The following ESRRG variants were observed in gnomAD, a reference collection of about 807,000 sequenced individuals.
ESRRG encodes the protein estrogen-related receptor gamma.
Under a neutral mutation model 44.0 loss-of-function variants are expected in ESRRG, and 13 were observed. That is an observed-to-expected ratio of 0.30 (90% CI 0.19 to 0.47). ESRRG has a LOEUF of 0.47. ESRRG is among the 20% of genes least tolerant of loss of function. ESRRG has a pLI of 1.00. For missense variants in ESRRG, 395 were observed against 580.6 expected, an observed-to-expected ratio of 0.68 and a Z score of 3.29; for synonymous variants, 215 against 214.6, an observed-to-expected ratio of 1.00 and a Z score of -0.02.
chr1:216,736,201 G>A (rs1463143209), intron 2 of ESRRG, among the ~76,000 whole-genome samples: 1 of 38,752 alleles, frequency 2.6e-5, no homozygotes, highest in Non-Finnish European at 5.2e-5. Flanking sequence ...TTTTTTTTTT[G>A]AGACAGAGTC....
In ESRRG at chr1:216,753,896, G is replaced by A. The variant is rs111622011; in HGVS notation, c.-13-76405C>T. Among the ~76,000 whole-genome samples the A allele has an allele frequency of 8.2e-3, 1,251 of 152,044 alleles. 13 individuals carry two copies. Among genetic ancestry groups the A allele is most frequent in the African/African-American group, 0.028 (1,162 of 41,506 alleles). On this transcript the variant is annotated intron_variant, in intron 2 of 7. Transcript: ENST00000359162. ...CATTGTCTACATTTTCTTCAGAGCA[G>A]GAATAAAATCAGTCACCAGTGATCT...
chr1:216,919,843 A>G (rs1188660558), intron 2 of ESRRG, among the ~76,000 whole-genome samples: 1 of 152,228 alleles, frequency 6.6e-6, no homozygotes, highest in Non-Finnish European at 1.5e-5. Context: ...CTCTTATTTC[A>G]AAATGCCAGA....
intron 5 of ESRRG, among the ~76,000 whole-genome samples, chr1:216,534,400 T>C (rs537940760): frequency 6.6e-6 from 1 of 152,328 alleles, no homozygotes; most frequent in South Asian, 2.1e-4. Flanking sequence ...ATATATGAGA[T>C]GTTATTCCTG....
At chr1:216,912,153 A>G (rs778719717) in intron 2 of ESRRG, among the ~76,000 whole-genome samples, 475 of 34,192 alleles carry the variant, frequency 0.014, 28 homozygotes, top group African/African-American at 0.059. Context: ...AAGAAAAGAA[A>G]AGAAAAGAAA....
At chr1:216,591,534 A>G (rs1171130559) in intron 3 of ESRRG, among the ~76,000 whole-genome samples, 1 of 152,234 alleles carries the variant, frequency 6.6e-6, no homozygotes, top group Non-Finnish European at 1.5e-5. Flanking sequence ...TTCAAAAACA[A>G]TAACAGTAGT....
intron 3 of ESRRG, among the ~76,000 whole-genome samples, chr1:216,623,455 A>G (rs896616201): frequency 2.0e-5 from 3 of 152,156 alleles, no homozygotes; most frequent in African/African-American, 7.2e-5. Flanking sequence ...TAACACACCC[A>G]CATGTGGAGA....
chr1:216,516,636 T>TAC (rs779496209), intron 6 of ESRRG, among the ~76,000 whole-genome samples: 17,498 of 130,364 alleles, frequency 0.13, 1,305 homozygotes, highest in Middle Eastern at 0.21. Flanking sequence ...CACACACACA[T>TAC]ACACACACAC....
chr1:216,989,441 A>C (rs1330858975), intron 1 of ESRRG, among the ~76,000 whole-genome samples: 1 of 151,766 alleles, frequency 6.6e-6, no homozygotes, highest in Non-Finnish European at 1.5e-5. Context: ...AAAAAAAAAA[A>C]AAAAAAAAAC....
At chr1:216,752,562 T>TAG (rs1439115483) in intron 2 of ESRRG, among the ~76,000 whole-genome samples, 1 of 152,162 alleles carries the variant, frequency 6.6e-6, no homozygotes, top group African/African-American at 2.4e-5. Flanking sequence ...AACACACTGC[T>TAG]AGAGGTCCTA....
intron 1 of ESRRG, among the ~76,000 whole-genome samples, chr1:216,954,386 A>G (rs2067554060): frequency 6.6e-6 from 1 of 152,166 alleles, no homozygotes; most frequent in South Asian, 2.1e-4. Flanking sequence ...CATTGGGGCC[A>G]TCAAAACCAA....
At chr1:216,962,962 ATACC>A (rs1462651059) in intron 1 of ESRRG, among the ~76,000 whole-genome samples, 1 of 152,220 alleles carries the variant, frequency 6.6e-6, no homozygotes, top group East Asian at 1.9e-4. Flanking sequence ...GGAAATCCAC[ATACC>A]TGGGTTAGAG....
intron 3 of ESRRG, among the ~76,000 whole-genome samples, chr1:216,608,146 C>T (rs1207543770): frequency 6.6e-6 from 1 of 152,140 alleles, no homozygotes; most frequent in African/African-American, 2.4e-5. Flanking sequence ...AAATCTTTGA[C>T]CAATCTTTAA....
intron 3 of ESRRG, among the ~76,000 whole-genome samples, chr1:216,619,226 C>A (rs997230236): frequency 6.6e-6 from 1 of 152,062 alleles, no homozygotes. Flanking sequence ...TGTGCATGCT[C>A]ACATGTGTGG....
chr1:216,848,174 T>C (rs1447216397), intron 2 of ESRRG, among the ~76,000 whole-genome samples: 1 of 152,014 alleles, frequency 6.6e-6, no homozygotes, highest in Non-Finnish European at 1.5e-5. Flanking sequence ...GGACCTAGAA[T>C]GGCAACTCAA....
chr1:216,518,126 T>G (rs1413100639), intron 6 of ESRRG, among the ~76,000 whole-genome samples: 1 of 152,172 alleles, frequency 6.6e-6, no homozygotes, highest in Non-Finnish European at 1.5e-5. Context: ...CATCCACAAG[T>G]AAGCAAAAGC....
At chr1:216,610,708 T>C (rs1049450827) in intron 3 of ESRRG, among the ~76,000 whole-genome samples, 1 of 152,092 alleles carries the variant, frequency 6.6e-6, no homozygotes, top group African/African-American at 2.4e-5. Context: ...TAAATATATA[T>C]GTATATGTAC....
chr1:216,589,553 T>C (rs963754496), intron 3 of ESRRG, among the ~76,000 whole-genome samples: 8 of 152,050 alleles, frequency 5.3e-5, no homozygotes, highest in Non-Finnish European at 1.2e-4. Context: ...GCAATAAGTG[T>C]AACCAGAGAA....
chr1:216,606,492 T>C (rs1190272432), intron 3 of ESRRG, among the ~76,000 whole-genome samples: 1 of 152,196 alleles, frequency 6.6e-6, no homozygotes, highest in Admixed American at 6.5e-5. Flanking sequence ...AGATTAAATC[T>C]TCTTTTCAAT....
In ESRRG at chr1:216,861,549, T is replaced by TA. The variant is rs150060322; in HGVS notation, c.-14+78032dup. The stretch of plus-strand genomic sequence containing the variant: ...AAAAAATTTTAACAGTAGAGATTGT[T>TA]AGATTGGATAAAAAAGCGAAATTCA... On this transcript the variant is annotated intron_variant, in intron 2 of 7. Transcript: ENST00000359162. 2.6e-3 allele frequency among the ~76,000 whole-genome samples: 402 copies of TA among 152,168 alleles called. 2 individuals are homozygous for TA. Among genetic ancestry groups the TA allele is most frequent in the African/African-American group, 9.0e-3 (373 of 41,588 alleles).
Sources: gnomAD v4.1 joint callset for allele counts (sites outside exome capture counted in the v4.1 genomes callset) on GRCh38, gnomAD v4.1.1 for gene constraint, MANE v1.5 for transcripts, NCBI Gene and HGNC (gene_info 2026-07-23, HGNC 2026-07-21) for gene names.